The following ELMO2 variants were observed in gnomAD, a reference collection of about 807,000 sequenced individuals.
The protein encoded by ELMO2 is engulfment and cell motility protein 2.
A neutral mutation model predicts 96.2 loss-of-function variants in ELMO2; 37 were observed. The ratio of observed to expected loss-of-function variants is 0.38; its 90% CI spans 0.30 to 0.51. The LOEUF (loss-of-function observed/expected upper bound fraction) is 0.51. Among genes scored for constraint, ELMO2 ranks in the 20% least tolerant of loss-of-function variants. The pLI, the probability that ELMO2 is intolerant of heterozygous loss-of-function variation, is 0.88. For missense variants in ELMO2, 561 were observed against 912.6 expected, an observed-to-expected ratio of 0.61 and a Z score of 4.96; for synonymous variants, 315 against 329.4, an observed-to-expected ratio of 0.96 and a Z score of 0.47.
Position 46,373,512 on chromosome 20 carries a change from G to A in ELMO2, c.1303C>T (p.His435Tyr). 1 of 1,614,178 alleles carries A rather than the reference G, an allele frequency of 6.2e-7. No individual in the cohort carries two copies. Among genetic ancestry groups the A allele is most frequent in the Non-Finnish European group, 8.5e-7 (1 of 1,180,032 alleles). ...ELPNEGRNDY[H>Y]PMFFTHDRAF... ...CGGTCATGGGTAAAGAACATCGGGT[G>A]GTAGTCATTGCGTCCTTCATTTGCT... The change falls in exon 16 of 22, where the codon CAC becomes TAC. Residue 435 changes from histidine to tyrosine, a missense_variant. His to Tyr is a moderately conservative substitution (Grantham distance 83). Transcript: ENST00000290246.
intron 7 of ELMO2, among the ~76,000 whole-genome samples, chr20:46,388,619 A>G (rs868236784): frequency 3.4e-5 from 5 of 148,472 alleles, no homozygotes; most frequent in South Asian, 4.2e-4. Flanking sequence ...GTGTGTGTGT[A>G]TGGGCTGGGA....
intron 9 of ELMO2, 105 bp from the exon 10 acceptor site, chr20:46,383,599 T>C: frequency 9.0e-7 from 1 of 1,112,478 alleles, no homozygotes; most frequent in Non-Finnish European, 1.4e-6. Context: ...AAGCAAATAA[T>C]GATCTGGAGC....
Position 46,367,569 on chromosome 20 carries a change from A to G in ELMO2, c.1963-9T>C, listed in dbSNP as rs201258066. ...TCAATCCAGATGCAGTACTGTGGGG[A>G]GCAAGTTGCAAAATGTCACATCGTG... On this transcript the variant is annotated splice_polypyrimidine_tract_variant and intron_variant, in intron 21 of 21. Transcript: ENST00000290246. The G allele has an allele frequency of 1.3e-6, 2 of 1,589,304 alleles. No individual in the cohort carries two copies. Among genetic ancestry groups the G allele is most frequent in the East Asian group, 2.3e-5 (1 of 43,752 alleles).
chr20:46,387,565 T>A (rs1455448109), intron 7 of ELMO2, 128 bp from the exon 8 acceptor site: 6 of 636,006 alleles, frequency 9.4e-6, no homozygotes, highest in East Asian at 3.0e-5. Flanking sequence ...GATGCAACTG[T>A]AACTGTAAGT....
chr20:46,371,742 C>T lies in ELMO2; in HGVS notation c.1581-51G>A. The T allele has an allele frequency of 6.2e-7, 1 of 1,613,930 alleles. No individual in the cohort carries two copies. The highest frequency in any genetic ancestry group is 8.5e-7 in the Non-Finnish European group (1 of 1,179,900). On this transcript the variant is annotated intron_variant, in intron 17 of 21. Transcript: ENST00000290246. This position sits in a 1 kb window ranked among gnomAD's most constrained non-coding sequence, Gnocchi z 5.9. ...GCGGAAGGTCATGGGGACAGTGGAG[C>T]TCTGGAAGGAAAGCAGAGCTGGCAG...
chr20:46,396,298 A>G (rs2060243712), intron 2 of ELMO2, among the ~76,000 whole-genome samples: 2 of 152,200 alleles, frequency 1.3e-5, no homozygotes, highest in African/African-American at 4.8e-5. Flanking sequence ...CCTTATCCTT[A>G]TCGGCAAAGC....
At chr20:46,380,332 C>T (rs1568762143) in intron 10 of ELMO2, 29 bp from the exon 11 acceptor site, 1 of 1,594,170 alleles carries the variant, frequency 6.3e-7, no homozygotes, top group East Asian at 2.2e-5. Flanking sequence ...AAATATAAGG[C>T]AGGGTGGCAG....
chr20:46,385,622 A>G (rs573683904), intron 9 of ELMO2, among the ~76,000 whole-genome samples: 1 of 152,314 alleles, frequency 6.6e-6, no homozygotes, highest in South Asian at 2.1e-4. Flanking sequence ...CACCTGTGTG[A>G]TATTTCTTAC....
intron 20 of ELMO2, chr20:46,369,961 GGTGTGT>G (rs200632114): frequency 0.013 from 649 of 50,220 alleles, 11 homozygotes; most frequent in African/African-American, 0.024. Context: ...TGGGTATGGG[GGTGTGT>G]GTGTGTGTGT....
At chr20:46,377,015 A>G (rs2059873110) in intron 11 of ELMO2, 1 of 349,050 alleles carries the variant, frequency 2.9e-6, no homozygotes, top group Non-Finnish European at 5.6e-6. Context: ...CTGAATAGCA[A>G]TGCTCTAGAG....
At chr20:46,400,751 G>T (rs1261207845) in intron 1 of ELMO2, among the ~76,000 whole-genome samples, 1 of 152,230 alleles carries the variant, frequency 6.6e-6, no homozygotes, top group Non-Finnish European at 1.5e-5. Context: ...GGGAAAAGTA[G>T]AGAAAAATAG....
intron 11 of ELMO2, chr20:46,376,688 CCT>C (rs1568757446): frequency 3.9e-6 from 5 of 1,289,370 alleles, no homozygotes; most frequent in Non-Finnish European, 5.1e-6. Context: ...TTTGTCACTC[CCT>C]CTGTCTCACC....
chr20:46,382,217 G>T (rs544355995), intron 10 of ELMO2: 2 of 1,289,844 alleles, frequency 1.6e-6, no homozygotes, highest in South Asian at 2.5e-5. Flanking sequence ...GTGACAGGCA[G>T]GTCTAGAGGA....
chr20:46,369,096 C>T (rs2059642395), intron 20 of ELMO2, 128 bp from the exon 21 acceptor site: 1 of 851,820 alleles, frequency 1.2e-6, no homozygotes, highest in Non-Finnish European at 1.9e-6. Flanking sequence ...GTCATCAATG[C>T]TCCTAGGCGG....
In ELMO2 at chr20:46,386,206, T is replaced by A; in HGVS notation, c.595A>T (p.Ser199Cys). ...ILQRSLAILESMVLNSQSLYQ... is the reference protein window; with the variant it reads ...ILQRSLAILECMVLNSQSLYQ... ...AGACTCTGGCTGTTCAAGACCATGC[T>A]CTCCAGGATGGCCAGGGACCTCTGA... Residue 199 changes from serine to cysteine, a missense_variant, in exon 9 of 22, where the codon AGC becomes TGC. Ser to Cys is a moderately radical substitution (Grantham distance 112, BLOSUM62 -1). Coordinates refer to ENST00000290246, the MANE Select transcript of ELMO2 (RefSeq NM_133171.5). The A allele has an allele frequency of 3.1e-6, 5 of 1,614,080 alleles. No individual in the cohort carries two copies. Among genetic ancestry groups the A allele is most frequent in the Non-Finnish European group, 4.2e-6 (5 of 1,179,990 alleles).
chr20:46,384,473 A>C (rs911254201), intron 9 of ELMO2, among the ~76,000 whole-genome samples: 1 of 152,146 alleles, frequency 6.6e-6, no homozygotes, highest in African/African-American at 2.4e-5. Flanking sequence ...CTGTGGGCTG[A>C]AAGTATTGGC....
intron 9 of ELMO2, among the ~76,000 whole-genome samples, chr20:46,385,805 A>G (rs2060031136): frequency 6.6e-6 from 1 of 152,234 alleles, no homozygotes; most frequent in Non-Finnish European, 1.5e-5. Flanking sequence ...TATAATTATC[A>G]TAGGTACAGA....
intron 1 of ELMO2, among the ~76,000 whole-genome samples, chr20:46,406,262 C>T (rs938041824): frequency 6.6e-6 from 1 of 152,160 alleles, no homozygotes; most frequent in Non-Finnish European, 1.5e-5. Flanking sequence ...CTGCCCAGCC[C>T]AGCCCCCGTG....
At chr20:46,406,358 G>A (rs1032012037) in intron 1 of ELMO2, among the ~76,000 whole-genome samples, 190 bp downstream of exon 1, 8 of 152,096 alleles carry the variant, frequency 5.3e-5, no homozygotes, top group African/African-American at 1.9e-4. Context: ...TAAGGCCCCG[G>A]CAGGGCCGCC....
Sources: gnomAD v4.1 joint callset for allele counts (sites outside exome capture counted in the v4.1 genomes callset) on GRCh38, gnomAD v4.1.1 for gene constraint, Gnocchi (gnomAD v3.1) non-coding constraint, MANE v1.5 for transcripts, NCBI Gene and HGNC (gene_info 2026-07-23, HGNC 2026-07-21) for gene names.